The following CDKL3 variants were observed in gnomAD, a reference collection of about 807,000 sequenced individuals.
The protein encoded by CDKL3 is cyclin-dependent kinase-like 3.
A neutral mutation model predicts 69.3 loss-of-function variants in CDKL3; 65 were observed. The observed-to-expected ratio is 0.94, with a 90% CI of 0.77 to 1.15. The LOEUF (loss-of-function observed/expected upper bound fraction) is 1.15. Among genes scored for constraint, CDKL3 ranks in the 50% most tolerant of loss-of-function variants. The probability of loss-of-function intolerance (pLI) is 0.00; values close to 1 mark genes in which losing one functional copy is unlikely to be tolerated. For synonymous variants in CDKL3, 202 were observed against 221.6 expected (o/e 0.91, Z 0.79); for missense variants, 652 against 689.2 (o/e 0.95, Z 0.61).
intron 5 of CDKL3, among the ~76,000 whole-genome samples, chr5:134,319,864 T>C (rs1477178257): frequency 2.0e-5 from 3 of 152,194 alleles, no homozygotes; most frequent in Non-Finnish European, 4.4e-5. Context: ...GCAAAATACA[T>C]TGAAACCTTA....
In CDKL3 at chr5:134,361,157, C is replaced by G. The variant is rs945685934; in HGVS notation, c.166-1066G>C. Among the ~76,000 whole-genome samples the G allele has an allele frequency of 1.8e-4, 28 of 152,208 alleles. No homozygotes were observed. The South Asian group carries it at 5.6e-3, about 30-fold the overall frequency. ...GTATGCTACTTATTCTATTTTTCAT[C>G]ACACTGACTTAATTATAATCAATTC... On this transcript the variant is annotated intron_variant, in intron 2 of 12. Coordinates refer to ENST00000265334, the MANE Select transcript of CDKL3 (RefSeq NM_001113575.2).
rs77760502 is a variant in CDKL3 at position 134,319,338 on chromosome 5, GA to G, written c.792+19del. On this transcript the variant is annotated intron_variant, in intron 6 of 12. Transcript: ENST00000265334. The stretch of plus-strand genomic sequence containing the variant: ...GAGCAAGACTCTGTCTCCGGGGGAG[GA>G]AAAAAAAAAAAAACATACATGAACT... The G allele has an allele frequency of 0.093, 102,336 of 1,095,904 alleles. 1 individual carries two copies. The highest frequency in any genetic ancestry group is 0.12 in the East Asian group (3,693 of 29,642). The allele number at this position is 1,095,904 out of a possible 1,614,324, so 67.9% of individuals were successfully genotyped here. A position where few individuals can be genotyped will look rare whatever the true frequency, so the allele number is the denominator to read the frequency against.
At chr5:134,365,980 C>T (rs552020555) in intron 2 of CDKL3, among the ~76,000 whole-genome samples, 3 of 152,284 alleles carry the variant, frequency 2.0e-5, no homozygotes, top group African/African-American at 7.2e-5. Flanking sequence ...TTATGAGCCA[C>T]TTTTTATTCA....
downstream of CDKL3, among the ~76,000 whole-genome samples, chr5:134,296,311 T>C (rs546989823): frequency 6.6e-6 from 1 of 151,816 alleles, no homozygotes; most frequent in South Asian, 2.1e-4. Flanking sequence ...GAAAAGACAA[T>C]CTCCAGCATG....
downstream of CDKL3, among the ~76,000 whole-genome samples, chr5:134,298,027 G>A (rs1405869118): frequency 1.3e-5 from 2 of 151,086 alleles, no homozygotes; most frequent in Non-Finnish European, 2.9e-5. Context: ...TTGGCCTCCC[G>A]GATTCAAGCG....
intron 7 of CDKL3, among the ~76,000 whole-genome samples, chr5:134,310,233 T>G (rs1378767441): frequency 1.3e-5 from 2 of 152,102 alleles, no homozygotes; most frequent in African/African-American, 2.4e-5. Context: ...TCACCCAGGA[T>G]GGAGTGCAGT....
chr5:134,332,216 G>A (rs1226705239), intron 4 of CDKL3, among the ~76,000 whole-genome samples: 1 of 151,706 alleles, frequency 6.6e-6, no homozygotes, highest in Non-Finnish European at 1.5e-5. Context: ...TAGATAGATT[G>A]CAAAAATTTT....
intron 4 of CDKL3, among the ~76,000 whole-genome samples, chr5:134,330,927 T>C (rs556750704): frequency 6.6e-6 from 1 of 152,328 alleles, no homozygotes; most frequent in Admixed American, 6.5e-5. Flanking sequence ...GTCTTCAGGA[T>C]AATGTTAGTA....
At chr5:134,335,748 C>T (rs566381108) in intron 4 of CDKL3, among the ~76,000 whole-genome samples, 1 of 152,134 alleles carries the variant, frequency 6.6e-6, no homozygotes, top group Non-Finnish European at 1.5e-5. Flanking sequence ...TCTGGCTGCC[C>T]TTAACATTTT....
rs1306125569 is a variant in CDKL3 at position 134,308,430 on chromosome 5, C to T, written c.1072G>A (p.Val358Ile). ...CCTCCTTTGACTTTAATAACTCTGA[C>T]TTTGATCTCCTTGGGCTTTTTCTCT... ...EKEKKPKEIKVRVIKVKGGRG... is the reference protein window; with the variant it reads ...EKEKKPKEIKIRVIKVKGGRG... Residue 358 changes from valine to isoleucine, a missense_variant, in exon 9 of 13, where the codon GTC (valine) becomes ATC (isoleucine). Physicochemically the swap from Val to Ile is conservative, Grantham distance 29. Coordinates refer to ENST00000265334, the MANE Select transcript of CDKL3 (RefSeq NM_001113575.2). 1 of 1,612,454 alleles carries T rather than the reference C, an allele frequency of 6.2e-7. No individual in the cohort carries two copies. Among genetic ancestry groups the T allele is most frequent in the African/African-American group, 1.3e-5 (1 of 74,972 alleles).
intron 3 of CDKL3, among the ~76,000 whole-genome samples, chr5:134,357,381 C>A (rs1232362930): frequency 6.6e-6 from 1 of 151,750 alleles, no homozygotes; most frequent in East Asian, 1.9e-4. Flanking sequence ...GAGAAGGAGG[C>A]TGCAGTGAGA....
At chr5:134,364,001 A>C (rs1756742704) in intron 2 of CDKL3, among the ~76,000 whole-genome samples, 1 of 150,698 alleles carries the variant, frequency 6.6e-6, no homozygotes, top group Admixed American at 6.6e-5. Context: ...AGGCAAATTG[A>C]TCCATCATAT....
chr5:134,363,529 C>G (rs1756582631), intron 2 of CDKL3, among the ~76,000 whole-genome samples: 1 of 147,444 alleles, frequency 6.8e-6, no homozygotes, highest in South Asian at 2.2e-4. Context: ...GGCGCAATCT[C>G]AGCTCACTGC....
chr5:134,308,062 C>A, intron 9 of CDKL3, 76 bp downstream of exon 9: 1 of 1,488,444 alleles, frequency 6.7e-7, no homozygotes, highest in Non-Finnish European at 9.0e-7. Flanking sequence ...CATACAGACA[C>A]TATGAACACG....
At chr5:134,284,503 C>G (rs1457972381), downstream of CDKL3, among the ~76,000 whole-genome samples, 1 of 152,188 alleles carries the variant, frequency 6.6e-6, no homozygotes, top group Non-Finnish European at 1.5e-5. Flanking sequence ...CTGCTGGGCA[C>G]ACAGTGTCAT....
chr5:134,331,633 G>T (rs554183313), intron 4 of CDKL3, among the ~76,000 whole-genome samples: 7 of 152,026 alleles, frequency 4.6e-5, no homozygotes, highest in African/African-American at 1.7e-4. Context: ...ACATGAACTC[G>T]TCCTTTTTTA....
At chr5:134,341,994 C>T (rs149166104) in intron 4 of CDKL3, among the ~76,000 whole-genome samples, 5 of 152,324 alleles carry the variant, frequency 3.3e-5, no homozygotes, top group Non-Finnish European at 4.4e-5. Flanking sequence ...AGGGAGAAAG[C>T]TGTTCTCCTT....
At chr5:134,340,456 A>G (rs998725776) in intron 4 of CDKL3, among the ~76,000 whole-genome samples, 9 of 152,202 alleles carry the variant, frequency 5.9e-5, no homozygotes, top group African/African-American at 1.9e-4. Context: ...AACAAAATTG[A>G]AAAACATTTA....
downstream of CDKL3, among the ~76,000 whole-genome samples, chr5:134,293,496 T>A (rs892954766): frequency 1.3e-5 from 2 of 151,992 alleles, no homozygotes; most frequent in Admixed American, 6.6e-5. Context: ...TGAACCAAAA[T>A]CCTTCATTAA....
Sources: allele counts gnomAD v4.1 joint callset (sites outside exome capture counted in the v4.1 genomes callset), GRCh38; gene constraint gnomAD v4.1.1; transcripts MANE v1.5; gene names NCBI Gene and HGNC (gene_info 2026-07-23, HGNC 2026-07-21).